The following EED variants were observed in gnomAD, a reference collection of about 807,000 sequenced individuals.
EED encodes polycomb protein EED.
In EED, 9 loss-of-function variants were observed where a neutral mutation model predicts 61.0. The ratio of observed to expected loss-of-function variants is 0.15; its 90% CI spans 0.09 to 0.26. The LOEUF (loss-of-function observed/expected upper bound fraction) is 0.26. Ranked by LOEUF, EED falls within the 10% of genes least tolerant of loss-of-function variation. The pLI, the probability that EED is intolerant of heterozygous loss-of-function variation, is 1.00. For missense variants in EED, 315 were observed against 542.3 expected (o/e 0.58, Z 4.16); for synonymous variants, 187 against 174.4 (o/e 1.07, Z -0.57).
chr11:86,262,121 A>AG (rs1945846495), intron 6 of EED, among the ~76,000 whole-genome samples: 1 of 151,918 alleles, frequency 6.6e-6, no homozygotes. Flanking sequence ...GGCTCAAATG[A>AG]TCCTTCCACC....
chr11:86,277,855 C>T (rs1300669544), intron 10 of EED, 63 bp from the exon 11 acceptor site: 2 of 1,452,288 alleles, frequency 1.4e-6, no homozygotes, highest in Middle Eastern at 2.2e-4. Flanking sequence ...CTGAGGATTC[C>T]TCCAATGCTT....
chr11:86,266,006 G>C (rs1237047505), intron 7 of EED, 77 bp from the exon 8 acceptor site: 18 of 1,289,428 alleles, frequency 1.4e-5, no homozygotes, highest in Non-Finnish European at 1.9e-5. Context: ...TTTTCACTAT[G>C]TTGCACATTA....
intron 1 of EED, among the ~76,000 whole-genome samples, chr11:86,247,951 G>A (rs1021636315): frequency 6.6e-6 from 1 of 152,246 alleles, no homozygotes; most frequent in Non-Finnish European, 1.5e-5. Flanking sequence ...TATGACTGCA[G>A]AGTAGTTGGC....
chr11:86,276,946 A>C, intron 9 of EED, 34 bp from the exon 10 acceptor site: 2 of 1,454,430 alleles, frequency 1.4e-6, no homozygotes, highest in Non-Finnish European at 1.8e-6. Flanking sequence ...TTCCTCATTA[A>C]CATTTCTTTT....
chr11:86,283,166 GGCCCCTAAAGTT>G (rs67447175), downstream of EED, among the ~76,000 whole-genome samples: 40,724 of 151,862 alleles, frequency 0.27, 5,951 homozygotes, highest in Non-Finnish European at 0.35. Context: ...GTCTTAAGGA[GGCCCCTAAAGTT>G]GTTGAAGATT....
chr11:86,262,599 C>T (rs116701583), intron 6 of EED, among the ~76,000 whole-genome samples: 333 of 152,240 alleles, frequency 2.2e-3, no homozygotes, highest in African/African-American at 7.7e-3. Context: ...CACCGGATGC[C>T]GGCACCATGC....
rs183646722 is a variant in EED, at chr11:86,255,259, G to A, written c.398G>A (p.Arg133Gln). 8 of 1,609,966 alleles carry A rather than the reference G, an allele frequency of 5.0e-6. No individual in the cohort carries two copies. The highest frequency in any genetic ancestry group is 4.0e-5 in the African/African-American group (3 of 75,000). The change falls in exon 4 of 12, where the codon CGG becomes CAG. Residue 133 changes from arginine to glutamine, a missense_variant. Physicochemically the swap from Arg to Gln is conservative, Grantham distance 43. Coordinates refer to ENST00000263360, the MANE Select transcript of EED (RefSeq NM_003797.5). ...GAATGTCATTCACAAGGAGAAATCC[G>A]GTTGTTGCAATCTTACGTGGATGCT... ...LYECHSQGEI[R>Q]LLQSYVDADA...
At chr11:86,251,008 A>C (rs1945518369) in intron 2 of EED, among the ~76,000 whole-genome samples, 1 of 152,122 alleles carries the variant, frequency 6.6e-6, no homozygotes, top group Non-Finnish European at 1.5e-5. Context: ...TATTTACTTT[A>C]TAAAAGGGGT....
At chr11:86,262,813 C>CTTTTTTT (rs34817049) in intron 6 of EED, among the ~76,000 whole-genome samples, 1 of 138,732 alleles carries the variant, frequency 7.2e-6, no homozygotes. Flanking sequence ...CCTGGCCTGG[C>CTTTTTTT]TTTTTTTTTT....
Position 86,256,433 on chromosome 11 carries a change from C to G in EED, c.473C>G (p.Thr158Arg), listed in dbSNP as rs141323002. The G allele has an allele frequency of 1.9e-6, 3 of 1,611,678 alleles. No individual in the cohort carries two copies. Among genetic ancestry groups the G allele is most frequent in the South Asian group, 1.1e-5 (1 of 90,804 alleles). Residue 158 changes from threonine (T) to arginine (R), a missense_variant, in exon 5 of 12, where the codon ACG becomes AGG. Physicochemically the swap from Thr to Arg is moderately conservative, Grantham distance 71. Around this residue, in one of 2 missense-constraint regions of EED, gnomAD observed 205 missense variants for 455.4 expected, o/e 0.45. Coordinates refer to ENST00000263360, the MANE Select transcript of EED (RefSeq NM_003797.5). Reference protein sequence around the residue: ...YTCAWTYDSNTSHPLLAVAGS... With the variant: ...YTCAWTYDSNRSHPLLAVAGS... Reference sequence around the variant, plus strand: ...TGTGCATGGACCTATGATAGCAATACGAGCCATCCTCTGCTGGCTGTAGCT... The same window carrying G: ...TGTGCATGGACCTATGATAGCAATAGGAGCCATCCTCTGCTGGCTGTAGCT...
At chr11:86,266,052 T>G in intron 7 of EED, 31 bp from the exon 8 acceptor site, 1 of 1,546,322 alleles carries the variant, frequency 6.5e-7, no homozygotes, top group Non-Finnish European at 8.7e-7. Context: ...GGAGCTGTAA[T>G]TTATATAAAA....
intron 2 of EED, among the ~76,000 whole-genome samples, chr11:86,250,719 T>C (rs1945510341): frequency 6.6e-6 from 1 of 152,144 alleles, no homozygotes; most frequent in South Asian, 2.1e-4. Flanking sequence ...ATTCAAATTA[T>C]AAGATTTGGG....
At chr11:86,278,362 G>C in intron 11 of EED, 37 bp from the exon 12 acceptor site, 1 of 1,601,156 alleles carries the variant, frequency 6.2e-7, no homozygotes. Context: ...ACAACGTTAT[G>C]TGTGGTCTTT....
Position 86,248,284 on chromosome 11 carries a change from A to G in EED, c.115-2012A>G, listed in dbSNP as rs80348276. Among the ~76,000 whole-genome samples, 1,259 of 152,346 alleles carry G rather than the reference A, an allele frequency of 8.3e-3. 58 individuals carry two copies. In the East Asian group the frequency reaches 0.13, roughly 16 times the overall value. On this transcript the variant is annotated intron_variant, in intron 1 of 11. Transcript: ENST00000263360. Reference sequence around the variant, plus strand: ...CTGTATTACATTTTCATTTGATTCCATCTTGATTTGCCTTGGGAGGAGATG... The same window carrying G: ...CTGTATTACATTTTCATTTGATTCCGTCTTGATTTGCCTTGGGAGGAGATG...
At chr11:86,273,977 C>A (rs1297216161) in intron 9 of EED, among the ~76,000 whole-genome samples, 1 of 152,072 alleles carries the variant, frequency 6.6e-6, no homozygotes, top group East Asian at 1.9e-4. Flanking sequence ...ATGTTTTGTC[C>A]CAGGTTTGGA....
intron 9 of EED, among the ~76,000 whole-genome samples, chr11:86,271,791 G>A (rs1334831917): frequency 6.6e-6 from 1 of 151,466 alleles, no homozygotes; most frequent in Non-Finnish European, 1.5e-5. Context: ...TATATTGATT[G>A]GTTTTTTGAA....
intron 5 of EED, 134 bp downstream of exon 5, chr11:86,256,646 T>C (rs1406380142): frequency 9.1e-6 from 8 of 875,012 alleles, no homozygotes; most frequent in Non-Finnish European, 1.3e-5. Flanking sequence ...TACTGCTCTC[T>C]TTGGATGAGT....
At chr11:86,283,660 A>G (rs1395802577), downstream of EED, among the ~76,000 whole-genome samples, 1 of 152,248 alleles carries the variant, frequency 6.6e-6, no homozygotes, top group Non-Finnish European at 1.5e-5. Flanking sequence ...AATGAAAAAT[A>G]CATTTGTTGA....
chr11:86,256,409 G>C lies in EED; in HGVS notation c.449G>C (p.Cys150Ser). 1 of 1,604,284 alleles carries C rather than the reference G, an allele frequency of 6.2e-7. No individual in the cohort carries two copies. Among genetic ancestry groups the C allele is most frequent in the Non-Finnish European group, 8.5e-7 (1 of 1,174,326 alleles). ...DADADENFYT[C>S]AWTYDSNTSH... Reference sequence around the variant, plus strand: ...TAGGCTGATGAAAACTTTTACACTTGTGCATGGACCTATGATAGCAATACG... The same window carrying C: ...TAGGCTGATGAAAACTTTTACACTTCTGCATGGACCTATGATAGCAATACG... Residue 150 changes from cysteine to serine, a missense_variant, in exon 5 of 12, where the codon TGT (cysteine) becomes TCT (serine). Physicochemically the swap from Cys to Ser is moderately radical, Grantham distance 112. This residue lies in a region of EED where 205 missense variants were observed against 455.4 expected (regional missense o/e 0.45). Coordinates refer to ENST00000263360, the MANE Select transcript of EED (RefSeq NM_003797.5).
Sources: allele counts gnomAD v4.1 joint callset (sites outside exome capture counted in the v4.1 genomes callset), GRCh38; gene constraint gnomAD v4.1.1; regional missense constraint gnomAD v4.1.1; transcripts MANE v1.5; gene names NCBI Gene and HGNC (gene_info 2026-07-23, HGNC 2026-07-21).